The following CHRDL1 variants were observed in gnomAD, a reference collection of about 807,000 sequenced individuals.
CHRDL1 encodes the protein chordin like 1.
Under a neutral mutation model 40.9 loss-of-function variants are expected in CHRDL1, and 19 were observed. The ratio of observed to expected loss-of-function variants is 0.46; its 90% confidence interval spans 0.32 to 0.68. The LOEUF (loss-of-function observed/expected upper bound fraction) is 0.68. Among genes scored for constraint, CHRDL1 ranks in the 30% least tolerant of loss-of-function variants. The pLI is 0.03. For synonymous variants in CHRDL1, 136 were observed against 123.4 expected (o/e 1.10, Z -0.68); for missense variants, 329 against 352.1 (o/e 0.93, Z 0.53).
At chrX:110,748,419 C>T (rs2089296642) in intron 4 of CHRDL1, among the ~76,000 whole-genome samples, 1 of 111,770 alleles carries the variant, frequency 8.9e-6, no homozygotes, top group South Asian at 3.8e-4. Flanking sequence ...CTCTGAAGTT[C>T]CCTGGGGAAC....
intron 8 of CHRDL1, among the ~76,000 whole-genome samples, chrX:110,689,079 T>C (rs1291747982): frequency 0.03 from 605 of 20,454 alleles, 36 homozygotes; most frequent in African/African-American, 0.25. Context: ...TATGTATATA[T>C]ATATATATAT....
At chrX:110,731,253 G>A (rs191047641) in intron 4 of CHRDL1, among the ~76,000 whole-genome samples, 3 of 111,705 alleles carry the variant, frequency 2.7e-5, no homozygotes, top group East Asian at 5.6e-4. Context: ...AGAGAAAGGC[G>A]CTATTGGGGG....
rs749175043 is a variant in CHRDL1, at chrX:110,724,077, G to T, written c.302-2547C>A. 3.7e-5 allele frequency among the ~76,000 whole-genome samples: 4 copies of T among 108,512 alleles called. No homozygotes were observed. The South Asian group carries it at 1.6e-3, about 42-fold the overall frequency. The allele number at this position is 108,512 out of a possible 115,157, so 94.2% of individuals were successfully genotyped here. A position where few individuals can be genotyped will look rare whatever the true frequency, so the allele number is the denominator to read the frequency against. On this transcript the variant is annotated intron_variant, in intron 4 of 11. Coordinates refer to ENST00000372042, the MANE Select transcript of CHRDL1 (RefSeq NM_001143981.2). ...AGAAGCAGGCCCATTTGCCCCCTGG[G>T]CTCTAATTATTCCAAATCTCAGCAT...
chrX:110,674,498 CACACACAA>C lies in CHRDL1; in HGVS notation c.*1725_*1732del, dbSNP rs768070199. 77 of 110,079 alleles carry C rather than the reference CACACACAA, an allele frequency of 7.0e-4. 1 individual carries two copies. The highest frequency in any genetic ancestry group is 2.1e-3 in the African/African-American group (62 of 29,975). 9.1% of individuals were successfully genotyped at this position (110,079 alleles called of 1,213,427 possible). ...ACACACACACACACACACACACACA[CACACACAA>C]ACTAATGCTTTGTGACCTCTCAACC... On this transcript the variant is annotated 3_prime_UTR_variant, in exon 12 of 12. Coordinates refer to ENST00000372042, the MANE Select transcript of CHRDL1 (RefSeq NM_001143981.2).
chrX:110,675,911 T>G lies in CHRDL1; in HGVS notation c.*320A>C, dbSNP rs914364630. Reference sequence around the variant, plus strand: ...TCTTTCTTTCACTTGAATAACTTTCTAGATAAAAACCCTGGGGTCTTGTTT... The same window carrying G: ...TCTTTCTTTCACTTGAATAACTTTCGAGATAAAAACCCTGGGGTCTTGTTT... On this transcript the variant is annotated 3_prime_UTR_variant, in exon 12 of 12. Transcript: ENST00000372042. The G allele has an allele frequency of 1.3e-4, 22 of 173,035 alleles. No individual in the cohort carries two copies. The highest frequency in any genetic ancestry group is 1.4e-4 in the Non-Finnish European group (13 of 93,309). 14.3% of individuals were successfully genotyped at this position (173,035 alleles called of 1,213,427 possible). A position where few individuals can be genotyped will look rare whatever the true frequency, so the allele number is the denominator to read the frequency against.
intron 9 of CHRDL1, among the ~76,000 whole-genome samples, chrX:110,688,329 T>C (rs1351324449): frequency 8.9e-6 from 1 of 111,866 alleles, no homozygotes; most frequent in East Asian, 2.8e-4. Context: ...GCCTAAATTC[T>C]CTACTATTTA....
chrX:110,767,838 CA>C (rs2089686690), intron 2 of CHRDL1, among the ~76,000 whole-genome samples: 1 of 110,579 alleles, frequency 9.0e-6, no homozygotes, highest in Non-Finnish European at 1.9e-5. Flanking sequence ...CAATCCCCAT[CA>C]AAATACCACA....
chrX:110,769,600 G>A (rs2089719912), intron 2 of CHRDL1, among the ~76,000 whole-genome samples: 1 of 111,998 alleles, frequency 8.9e-6, no homozygotes, highest in Middle Eastern at 4.6e-3. Flanking sequence ...AAAGAAAGAG[G>A]TTTATTGGAC....
rs564470482 is a variant in CHRDL1, at chrX:110,758,283, C to T, written c.301+1378G>A. ...AATAAACACATACAGAAACAGTAAG[C>T]CTGGCTTAGGGACTTATTCCAAAAA... On this transcript the variant is annotated intron_variant, in intron 4 of 11. Coordinates refer to ENST00000372042, the MANE Select transcript of CHRDL1 (RefSeq NM_001143981.2). Among the ~76,000 whole-genome samples the T allele has an allele frequency of 1.7e-4, 15 of 90,347 alleles. No individual in the cohort carries two copies. In the South Asian group the frequency reaches 8.6e-3, roughly 52 times the overall value. 78.5% of individuals were successfully genotyped at this position (90,347 alleles called of 115,157 possible).
intron 9 of CHRDL1, among the ~76,000 whole-genome samples, chrX:110,686,905 A>T (rs933544310): frequency 1.9e-5 from 2 of 107,424 alleles, no homozygotes; most frequent in Admixed American, 9.9e-5. Flanking sequence ...AAATAAAAAA[A>T]AAAATAAAAA....
rs184702731 is a variant in CHRDL1, at chrX:110,704,753, T to C, written c.542-4032A>G. 3.2e-3 allele frequency among the ~76,000 whole-genome samples: 353 copies of C among 111,242 alleles called. 1 individual carries two copies. The highest frequency in any genetic ancestry group is 4.5e-3 in the Non-Finnish European group (236 of 53,004). On this transcript the variant is annotated intron_variant, in intron 6 of 11. Coordinates refer to ENST00000372042, the MANE Select transcript of CHRDL1 (RefSeq NM_001143981.2). ...TAGTGGGTCTGGGCCAAATAAAATA[T>C]GGGACTAGAGAGACGAATAGAAACC...
intron 1 of CHRDL1, among the ~76,000 whole-genome samples, chrX:110,793,408 C>T (rs757863360): frequency 9.0e-6 from 1 of 111,330 alleles, no homozygotes; most frequent in Non-Finnish European, 1.9e-5. Context: ...TTTGCAGCAC[C>T]GTCTGCCTTC....
At chrX:110,738,739 C>CAA (rs773511151) in intron 4 of CHRDL1, among the ~76,000 whole-genome samples, 7,385 of 65,130 alleles carry the variant, frequency 0.11, 1,089 homozygotes, top group African/African-American at 0.36. Flanking sequence ...GAGACTCCTT[C>CAA]AAAAAAAAAA....
intron 4 of CHRDL1, 98 bp downstream of exon 4, chrX:110,759,562 TG>T: frequency 1.6e-6 from 1 of 639,382 alleles, no homozygotes; most frequent in Non-Finnish European, 2.7e-6. Context: ...GTTATCTGTC[TG>T]GAAGTTTCCC....
chrX:110,703,547 A>C (rs1159054749), intron 6 of CHRDL1, among the ~76,000 whole-genome samples: 1 of 112,087 alleles, frequency 8.9e-6, no homozygotes, highest in African/African-American at 3.2e-5. Flanking sequence ...GCCTGATACT[A>C]CAGCAGAAAG....
At position 110,680,664 on chromosome X, in the gene CHRDL1, A is replaced by G. The variant is rs538995846; in HGVS notation, c.1156+818T>C. ...GCATACAGAAGTTCGAGTACTCTTG[A>G]GCCTTATGTGAGAGCCAATAGCAAA... On this transcript the variant is annotated intron_variant, in intron 10 of 11. Transcript: ENST00000372042. Among the ~76,000 whole-genome samples the G allele has an allele frequency of 4.3e-4, 48 of 111,917 alleles. No homozygotes were observed. The Admixed American group carries it at 4.6e-3, about 11-fold the overall frequency.
At position 110,687,479 on chromosome X, in the gene CHRDL1, A is replaced by G. The variant is rs777969653; in HGVS notation, c.988+1115T>C. On this transcript the variant is annotated intron_variant, in intron 9 of 11. Transcript: ENST00000372042. ...CAATAAATACACATTGATTCAGGGCATGTTTGCCTACTAGTCATGAGGGAC... is the reference window on the plus strand; with the variant it reads ...CAATAAATACACATTGATTCAGGGCGTGTTTGCCTACTAGTCATGAGGGAC... 2.7e-5 allele frequency among the ~76,000 whole-genome samples: 3 copies of G among 112,005 alleles called. No individual in the cohort carries two copies. In the South Asian group the frequency reaches 1.1e-3, roughly 42 times the overall value.
chrX:110,716,891 A>G (rs2070851840), intron 6 of CHRDL1, among the ~76,000 whole-genome samples: 1 of 111,360 alleles, frequency 9.0e-6, no homozygotes, highest in Admixed American at 9.6e-5. Flanking sequence ...TCTCCTTTTC[A>G]TCCCAGTTCC....
chrX:110,689,683 C>CTATA (rs779611296), intron 8 of CHRDL1, among the ~76,000 whole-genome samples: 1 of 27,804 alleles, frequency 3.6e-5, no homozygotes, highest in South Asian at 1.2e-3. Flanking sequence ...ATCTATATAT[C>CTATA]TATATATCTA....
Sources: allele counts gnomAD v4.1 joint callset (sites outside exome capture counted in the v4.1 genomes callset), GRCh38; gene constraint gnomAD v4.1.1; transcripts MANE v1.5; gene names NCBI Gene and HGNC (gene_info 2026-07-23, HGNC 2026-07-21).